The following ASIC2 variants were observed in gnomAD, a reference collection of about 807,000 sequenced individuals.
ASIC2 encodes the protein acid-sensing ion channel 2.
In ASIC2, 25 loss-of-function variants were observed where a neutral mutation model predicts 57.3. The observed-to-expected ratio is 0.44, with a 90% confidence interval of 0.32 to 0.61. The LOEUF (loss-of-function observed/expected upper bound fraction) is 0.61. Ranked by LOEUF, ASIC2 falls within the 20% of genes least tolerant of loss-of-function variation. ASIC2 has a pLI of 0.06. For missense variants in ASIC2, 641 were observed against 738.1 expected (o/e 0.87, Z 1.52); for synonymous variants, 319 against 307.5 (o/e 1.04, Z -0.39).
chr17:33,548,092 G>A (rs1915637664), intron 1 of ASIC2, among the ~76,000 whole-genome samples: 1 of 152,138 alleles, frequency 6.6e-6, no homozygotes, highest in Non-Finnish European at 1.5e-5. Flanking sequence ...AAAAAGTTTA[G>A]CAAGTATTAA....
chr17:33,188,796 A>C (rs1481096269), intron 1 of ASIC2, among the ~76,000 whole-genome samples: 1 of 152,212 alleles, frequency 6.6e-6, no homozygotes, highest in Non-Finnish European at 1.5e-5. Context: ...TACCACATGA[A>C]ATACTGAAAT....
At chr17:33,981,305 C>T (rs4795841) in intron 1 of ASIC2, among the ~76,000 whole-genome samples, 51,013 of 151,972 alleles carry the variant, frequency 0.34, 8,653 homozygotes, top group South Asian at 0.41. Flanking sequence ...AAATATCTAT[C>T]TCAGAGTCTC....
chr17:34,027,527 C>A (rs887604620), intron 1 of ASIC2, among the ~76,000 whole-genome samples: 1 of 152,170 alleles, frequency 6.6e-6, no homozygotes, highest in Non-Finnish European at 1.5e-5. Flanking sequence ...AACCTGAGCA[C>A]TTTATTCAAA....
intron 1 of ASIC2, among the ~76,000 whole-genome samples, chr17:33,528,244 C>T (rs1013823566): frequency 6.9e-6 from 1 of 145,974 alleles, no homozygotes; most frequent in African/African-American, 2.5e-5. Context: ...ACTTGCAGTA[C>T]TGCTTCTGTT....
intron 1 of ASIC2, among the ~76,000 whole-genome samples, chr17:34,068,653 T>C (rs961721293): frequency 1.3e-5 from 2 of 152,242 alleles, no homozygotes; most frequent in Non-Finnish European, 2.9e-5. Flanking sequence ...GGCCTCTGTC[T>C]AGACTCTGGC....
At chr17:33,817,118 G>T (rs1489161974) in intron 1 of ASIC2, among the ~76,000 whole-genome samples, 2 of 152,158 alleles carry the variant, frequency 1.3e-5, no homozygotes, top group African/African-American at 4.8e-5. Context: ...CATGCCAGAG[G>T]GTCTGATGTC....
At chr17:33,287,799 G>T (rs1905256498) in intron 1 of ASIC2, among the ~76,000 whole-genome samples, 1 of 152,174 alleles carries the variant, frequency 6.6e-6, no homozygotes, top group Non-Finnish European at 1.5e-5. Context: ...TCTCTCACCT[G>T]TTGCTCTAGT....
intron 1 of ASIC2, among the ~76,000 whole-genome samples, chr17:33,616,026 C>A (rs1165227414): frequency 6.6e-6 from 1 of 152,130 alleles, no homozygotes; most frequent in South Asian, 2.1e-4. Context: ...GGCCTTTGAC[C>A]AGTACATGTA....
chr17:33,171,571 C>A (rs1484361308), intron 1 of ASIC2, among the ~76,000 whole-genome samples: 1 of 152,226 alleles, frequency 6.6e-6, no homozygotes, highest in Non-Finnish European at 1.5e-5. Flanking sequence ...ATCCATTACT[C>A]AACTCAGGCA....
At chr17:33,972,560 A>AAAAAC (rs1567774258) in intron 1 of ASIC2, among the ~76,000 whole-genome samples, 2 of 152,224 alleles carry the variant, frequency 1.3e-5, no homozygotes, top group African/African-American at 4.8e-5. Flanking sequence ...CTCTGTTTGG[A>AAAAAC]AAAACAAAAC....
intron 1 of ASIC2, among the ~76,000 whole-genome samples, chr17:34,019,916 G>A (rs1404706338): frequency 6.6e-6 from 1 of 152,116 alleles, no homozygotes; most frequent in South Asian, 2.1e-4. Context: ...TTGTCTTCAT[G>A]GTCTTTCATC....
chr17:33,479,004 T>C (rs932839416), intron 1 of ASIC2, among the ~76,000 whole-genome samples: 1 of 152,130 alleles, frequency 6.6e-6, no homozygotes, highest in Non-Finnish European at 1.5e-5. Context: ...TTTTATTTTA[T>C]TTTATTTTAT....
rs558849340 is a variant in ASIC2 at position 33,873,078 on chromosome 17, C to T, written c.555+282900G>A. 4.6e-5 allele frequency among the ~76,000 whole-genome samples: 7 copies of T among 152,280 alleles called. No individual in the cohort carries two copies. The East Asian group carries it at 5.8e-4, about 13-fold the overall frequency. On this transcript the variant is annotated intron_variant, in intron 1 of 9. Coordinates refer to the ASIC2 transcript ENST00000359872. ...CAACGCAGAACTCCTGGGCTGTTGC[C>T]GGCCCATTCTCCTTCATCAGCCCAC...
chr17:33,205,823 T>C (rs1251461070), intron 1 of ASIC2, among the ~76,000 whole-genome samples: 1 of 152,184 alleles, frequency 6.6e-6, no homozygotes, highest in African/African-American at 2.4e-5. Context: ...GGCATACGGT[T>C]CCCATGCTGG....
intron 2 of ASIC2, among the ~76,000 whole-genome samples, chr17:33,092,997 G>A (rs772022727): frequency 3.9e-5 from 6 of 152,212 alleles, no homozygotes; most frequent in Non-Finnish European, 5.9e-5. Flanking sequence ...CACCAGCACC[G>A]CATAATTCAG....
intron 1 of ASIC2, among the ~76,000 whole-genome samples, chr17:33,370,684 A>G (rs1909024001): frequency 6.6e-6 from 1 of 152,186 alleles, no homozygotes; most frequent in Non-Finnish European, 1.5e-5. Context: ...TCCAGAAACT[A>G]GTTGATTCCC....
chr17:33,639,805 C>G (rs911503482), intron 1 of ASIC2, among the ~76,000 whole-genome samples: 8 of 139,176 alleles, frequency 5.7e-5, no homozygotes, highest in African/African-American at 1.6e-4. Flanking sequence ...CATTGTTTAA[C>G]AAATAGAGCC....
intron 1 of ASIC2, among the ~76,000 whole-genome samples, chr17:34,055,702 T>C (rs927187057): frequency 1.3e-4 from 20 of 152,248 alleles, no homozygotes; most frequent in African/African-American, 4.8e-4. Context: ...GTTGTGTGTG[T>C]CAGTAGTTTG....
intron 1 of ASIC2, among the ~76,000 whole-genome samples, chr17:33,925,522 G>A (rs890179105): frequency 1.3e-5 from 2 of 152,162 alleles, no homozygotes; most frequent in African/African-American, 4.8e-5. Flanking sequence ...CTCTTCTCCC[G>A]ATAACTGTGG....
Sources: gnomAD v4.1 joint callset for allele counts (sites outside exome capture counted in the v4.1 genomes callset) on GRCh38, gnomAD v4.1.1 for gene constraint, MANE v1.5 for transcripts, NCBI Gene and HGNC (gene_info 2026-07-23, HGNC 2026-07-21) for gene names.